KAZN: variants seen among roughly 807,000 people sequenced by gnomAD.
The protein encoded by KAZN is kazrin, periplakin interacting protein.
Under a neutral mutation model 87.4 loss-of-function variants are expected in KAZN, and 40 were observed. That is an observed-to-expected ratio of 0.46 (90% CI 0.36 to 0.60). The LOEUF is 0.60. Ranked by LOEUF, KAZN falls within the 20% of genes least tolerant of loss-of-function variation. The pLI is 0.00. For synonymous variants in KAZN, 466 were observed against 458.3 expected (o/e 1.02, Z -0.22); for missense variants, 898 against 1,073.9 (o/e 0.84, Z 2.29).
intron 1 of KAZN, among the ~76,000 whole-genome samples, chr1:14,058,558 A>G (rs1048804610): frequency 1.3e-5 from 2 of 152,222 alleles, no homozygotes; most frequent in African/African-American, 4.8e-5. Context: ...GCTGGCATGC[A>G]ACAGTAAATA....
intron 1 of KAZN, among the ~76,000 whole-genome samples, chr1:14,785,015 G>C (rs1645466956): frequency 6.6e-6 from 1 of 151,396 alleles, no homozygotes; most frequent in Non-Finnish European, 1.5e-5. Context: ...AATGCCTCGG[G>C]GGTACTTTGA....
intron 2 of KAZN, among the ~76,000 whole-genome samples, chr1:14,223,870 G>A (rs752737681): frequency 3.9e-5 from 6 of 152,152 alleles, no homozygotes; most frequent in Non-Finnish European, 8.8e-5. Context: ...TACAGACAAA[G>A]CAGTTGGGAG....
intron 1 of KAZN, chr1:14,924,011 G>C: frequency 4.8e-6 from 3 of 629,992 alleles, no homozygotes; most frequent in Non-Finnish European, 5.8e-6. Context: ...ACGCGGCGGC[G>C]CTCCCCGGGC....
intron 10 of KAZN, among the ~76,000 whole-genome samples, chr1:15,098,874 C>T (rs1180477271): frequency 2.6e-5 from 4 of 152,250 alleles, no homozygotes; most frequent in African/African-American, 9.6e-5. Flanking sequence ...GAACTCAGAG[C>T]CTGAAGGGGC....
chr1:14,640,027 G>C (rs574601411), intron 1 of KAZN, among the ~76,000 whole-genome samples: 1 of 152,294 alleles, frequency 6.6e-6, no homozygotes, highest in African/African-American at 2.4e-5. Flanking sequence ...GAGGACCATG[G>C]GCACAGCTTG....
At chr1:14,188,422 A>G (rs1052271569) in intron 2 of KAZN, among the ~76,000 whole-genome samples, 1 of 152,132 alleles carries the variant, frequency 6.6e-6, no homozygotes, top group East Asian at 1.9e-4. Context: ...GTCCCTTGGG[A>G]ACAGAGGATC....
chr1:14,943,007 GGTGTGTGTGTGTGTGTGTGTGTGTGT>G (rs58102946), intron 1 of KAZN, among the ~76,000 whole-genome samples: 1 of 100,846 alleles, frequency 9.9e-6, no homozygotes, highest in Admixed American at 1.1e-4. Context: ...GTGTGTGTGT[GGTGTGTGTGTGTGTGTGTGTGTGTGT>G]GTGTGTGTGT....
At chr1:14,514,584 T>TATA (rs1210009776) in intron 2 of KAZN, among the ~76,000 whole-genome samples, 1 of 32,074 alleles carries the variant, frequency 3.1e-5, no homozygotes, top group Non-Finnish European at 6.1e-5. Flanking sequence ...TTTTATATAT[T>TATA]TTTTTATATT....
chr1:14,810,554 G>A (rs1489350081), intron 1 of KAZN, among the ~76,000 whole-genome samples: 1 of 152,142 alleles, frequency 6.6e-6, no homozygotes, highest in Admixed American at 6.5e-5. Context: ...CTCCGCTCTA[G>A]ACACTCTGAT....
At chr1:13,971,792 A>G (rs1480529683) in intron 1 of KAZN, among the ~76,000 whole-genome samples, 1 of 152,130 alleles carries the variant, frequency 6.6e-6, no homozygotes, top group Non-Finnish European at 1.5e-5. Flanking sequence ...CCCCCTTGGT[A>G]CTGTCCTCAT....
At chr1:14,581,018 G>T (rs1675512832) in intron 2 of KAZN, among the ~76,000 whole-genome samples, 1 of 151,776 alleles carries the variant, frequency 6.6e-6, no homozygotes, top group Non-Finnish European at 1.5e-5. Context: ...TCAGTCCCTG[G>T]GCCTTTCCCT....
chr1:14,902,079 GC>G (rs1163513945), intron 1 of KAZN, among the ~76,000 whole-genome samples: 1 of 152,148 alleles, frequency 6.6e-6, no homozygotes, highest in Non-Finnish European at 1.5e-5. Flanking sequence ...GAGGTGGGAG[GC>G]CCCCAGGAGT....
At chr1:14,771,386 A>G (rs1645013795) in intron 1 of KAZN, among the ~76,000 whole-genome samples, 1 of 152,178 alleles carries the variant, frequency 6.6e-6, no homozygotes, top group Non-Finnish European at 1.5e-5. Context: ...GATGACAAAA[A>G]TATTTAATGT....
chr1:14,723,440 C>A (rs1643221315), intron 1 of KAZN, among the ~76,000 whole-genome samples: 2 of 152,198 alleles, frequency 1.3e-5, no homozygotes, highest in Admixed American at 1.3e-4. Flanking sequence ...CCTGGGGTGG[C>A]CTGAGCTTGC....
At chr1:13,935,108 G>A (rs56754982) in intron 1 of KAZN, among the ~76,000 whole-genome samples, 1,902 of 151,972 alleles carry the variant, frequency 0.013, 32 homozygotes, top group African/African-American at 0.043. Context: ...GTGGTGGCAG[G>A]TGCCTGTAAT....
At chr1:14,000,959 T>G (rs1051126469) in intron 1 of KAZN, among the ~76,000 whole-genome samples, 1 of 151,652 alleles carries the variant, frequency 6.6e-6, no homozygotes, top group East Asian at 1.9e-4. Context: ...ATTTTTTGTA[T>G]TTTTAGTAGA....
chr1:15,043,968 C>G (rs1673194086), intron 3 of KAZN, 21 bp from the exon 4 acceptor site: 1 of 1,591,980 alleles, frequency 6.3e-7, no homozygotes, highest in African/African-American at 1.3e-5. Context: ...CCACGGTGCT[C>G]TCTCCCTCTC....
chr1:15,112,214 C>G (rs1641653922), intron 13 of KAZN: 1 of 576,338 alleles, frequency 1.7e-6, no homozygotes, highest in African/African-American at 1.9e-5. Flanking sequence ...TAATGCTGGG[C>G]TGGCAGTCCC....
At chr1:13,977,353 G>A (rs570495638) in intron 1 of KAZN, among the ~76,000 whole-genome samples, 67 of 152,292 alleles carry the variant, frequency 4.4e-4, no homozygotes, top group Non-Finnish European at 4.6e-4. Flanking sequence ...GTAAAATGAG[G>A]ATAATTTTAC....
Sources: allele counts gnomAD v4.1 joint callset (sites outside exome capture counted in the v4.1 genomes callset), GRCh38; gene constraint gnomAD v4.1.1; transcripts MANE v1.5; gene names NCBI Gene and HGNC (gene_info 2026-07-23, HGNC 2026-07-21).